NUP205: variants seen among roughly 807,000 people sequenced by gnomAD.
NUP205 encodes nuclear pore complex protein Nup205.
NUP205 carries 76 observed loss-of-function variants against 253.8 expected under a neutral mutation model. The observed-to-expected ratio is 0.30, with a 90% CI of 0.25 to 0.36. The LOEUF is 0.36. Ranked by LOEUF, NUP205 falls within the 10% of genes least tolerant of loss-of-function variation. The probability of loss-of-function intolerance (pLI) is 1.00; values close to 1 mark genes in which losing one functional copy is unlikely to be tolerated. For missense variants in NUP205, 2,162 were observed against 2,425.5 expected (o/e 0.89, Z 2.28); for synonymous variants, 832 against 850.1 (o/e 0.98, Z 0.37).
At chr7:135,615,819 G>T in intron 23 of NUP205, 97 bp from the exon 24 acceptor site, 1 of 679,030 alleles carries the variant, frequency 1.5e-6, no homozygotes, top group Admixed American at 3.4e-5. Flanking sequence ...TATTGACTTT[G>T]TTACATGGGA....
At chr7:135,637,620 G>A (rs1331841718) in intron 36 of NUP205, among the ~76,000 whole-genome samples, 1 of 151,984 alleles carries the variant, frequency 6.6e-6, no homozygotes, top group Non-Finnish European at 1.5e-5. Context: ...TTCATTTAAT[G>A]AGTATCTTCC....
At chr7:135,646,284 T>A in intron 42 of NUP205, 53 bp downstream of exon 42, 1 of 1,235,408 alleles carries the variant, frequency 8.1e-7, no homozygotes, top group South Asian at 1.2e-5. Flanking sequence ...GTAAAAGGGC[T>A]GGGTGTGATG....
At chr7:135,562,749 G>C (rs1805624805) in intron 1 of NUP205, among the ~76,000 whole-genome samples, 1 of 151,956 alleles carries the variant, frequency 6.6e-6, no homozygotes, top group South Asian at 2.1e-4. Context: ...GTTTCACCGT[G>C]TTGGCCAGGA....
intron 1 of NUP205, among the ~76,000 whole-genome samples, chr7:135,564,055 G>T (rs951526460): frequency 2.0e-5 from 3 of 151,786 alleles, no homozygotes; most frequent in Non-Finnish European, 4.4e-5. Flanking sequence ...ATAACTCTTT[G>T]TTGCGGCTAC....
At chr7:135,602,282 TC>T (rs1793982658) in intron 17 of NUP205, among the ~76,000 whole-genome samples, 1 of 152,242 alleles carries the variant, frequency 6.6e-6, no homozygotes, top group Admixed American at 6.5e-5. Context: ...GATCCTTGTT[TC>T]TATTTTCTGC....
Position 135,630,173 on chromosome 7 carries a change from T to C in NUP205, c.4933-171T>C, listed in dbSNP as rs535793696. Among the ~76,000 whole-genome samples the C allele has an allele frequency of 2.0e-5, 3 of 152,332 alleles. No individual in the cohort carries two copies. In the East Asian group the frequency reaches 5.8e-4, roughly 29 times the overall value. ...TATGTGAGTGCAGAAAACAATTGCT[T>C]ATCTGTTACTCATCCTCACTTATTG... is the stretch of plus-strand genomic sequence containing the variant. On this transcript the variant is annotated intron_variant, in intron 34 of 42. Transcript: ENST00000285968.
intron 36 of NUP205, among the ~76,000 whole-genome samples, chr7:135,637,553 G>C (rs1338638287): frequency 6.6e-6 from 1 of 152,120 alleles, no homozygotes; most frequent in Non-Finnish European, 1.5e-5. Context: ...TATCACAAAC[G>C]TGTCCATCTT....
At chr7:135,627,938 C>A (rs778499742) in intron 33 of NUP205, 35 bp from the exon 34 acceptor site, 1 of 1,609,680 alleles carries the variant, frequency 6.2e-7, no homozygotes, top group South Asian at 1.1e-5. Flanking sequence ...TACCTTAATT[C>A]TTGGAATGTT....
intron 38 of NUP205, among the ~76,000 whole-genome samples, 174 bp downstream of exon 38, chr7:135,638,857 A>C (rs1794866575): frequency 6.6e-6 from 1 of 152,194 alleles, no homozygotes; most frequent in African/African-American, 2.4e-5. Context: ...CCTATGTACA[A>C]GACTGGAGAG....
In NUP205 at chr7:135,585,018, T is replaced by C. The variant is rs755091320; in HGVS notation, c.1218+11T>C. ...CTTATGCCAATGAAGGTAAGTGTAA[T>C]AATGTAGGATGAGTAAATAGTAGAA... On this transcript the variant is annotated intron_variant, in intron 8 of 42. Coordinates refer to ENST00000285968, the MANE Select transcript of NUP205 (RefSeq NM_015135.3). 1.3e-6 allele frequency: 2 copies of C among 1,579,118 alleles called. No individual in the cohort carries two copies. The highest frequency in any genetic ancestry group is 1.7e-6 in the Non-Finnish European group (2 of 1,153,032).
chr7:135,643,221 C>A lies in NUP205; in HGVS notation c.5422C>A (p.Arg1808Ser). The A allele has an allele frequency of 1.9e-6, 3 of 1,613,990 alleles. No homozygotes were observed. Among genetic ancestry groups the A allele is most frequent in the Non-Finnish European group, 2.5e-6 (3 of 1,179,950 alleles). ...CCAAGCTCCAGTGGTTCCATACTGG[C>A]GCCTGCCTGGTTTAGGCATTATCAT... The part of the protein sequence containing the change: ...DTQAPVVPYW[R>S]LPGLGIIIYL... The change falls in exon 39 of 43, where the codon CGC becomes AGC. Residue 1808 changes from arginine to serine, a missense_variant. This residue lies in a region of NUP205 where 1,144 missense variants were observed against 1,280.9 expected (regional missense o/e 0.89). Transcript: ENST00000285968.
chr7:135,615,938 C>G lies in NUP205; in HGVS notation c.3333C>G (p.Asn1111Lys). 1.2e-6 allele frequency: 2 copies of G among 1,612,510 alleles called. No homozygotes were observed. The highest frequency in any genetic ancestry group is 8.5e-7 in the Non-Finnish European group (1 of 1,179,220). ...TAGAATATGAAATATCTATGCTGAA[C>G]CAGATGTCATGGCTTATGAAAACTG... ...SNKEYEISML[N>K]QMSWLMKTAS... The change falls in exon 24 of 43, where the codon AAC (asparagine) becomes AAG (lysine). Residue 1111 changes from asparagine to lysine, a missense_variant. Physicochemically the swap from Asn to Lys is moderately conservative, Grantham distance 94 (BLOSUM62 0). This residue lies in a region of NUP205 where 1,144 missense variants were observed against 1,280.9 expected (regional missense o/e 0.89). Coordinates refer to ENST00000285968, the MANE Select transcript of NUP205 (RefSeq NM_015135.3).
chr7:135,567,720 A>G (rs1805824716), intron 1 of NUP205, among the ~76,000 whole-genome samples: 2 of 152,162 alleles, frequency 1.3e-5, no homozygotes, highest in South Asian at 4.1e-4. Context: ...TATCCTGGTA[A>G]CTTTATTTGG....
chr7:135,643,041 A>G, intron 38 of NUP205, 151 bp from the exon 39 acceptor site: 1 of 628,772 alleles, frequency 1.6e-6, no homozygotes, highest in East Asian at 2.7e-5. Flanking sequence ...TTTAAATTAT[A>G]AATGGCATTT....
At chr7:135,563,386 G>A (rs6467597) in intron 1 of NUP205, among the ~76,000 whole-genome samples, 29,973 of 151,586 alleles carry the variant, frequency 0.2, 3,237 homozygotes, top group East Asian at 0.33. Flanking sequence ...ACGGGGTTTC[G>A]CTGTGTTGGC....
At chr7:135,636,776 TG>T (rs1794818650) in intron 36 of NUP205, among the ~76,000 whole-genome samples, 1 of 151,974 alleles carries the variant, frequency 6.6e-6, no homozygotes, top group South Asian at 2.1e-4. Context: ...GAGGCTGAGG[TG>T]GGTGGATCGC....
At chr7:135,589,061 T>G (rs1051830268) in intron 10 of NUP205, among the ~76,000 whole-genome samples, 1 of 150,600 alleles carries the variant, frequency 6.6e-6, no homozygotes, top group Non-Finnish European at 1.5e-5. Flanking sequence ...TAGTCCTAGC[T>G]GCTCAGGCTG....
chr7:135,628,634 C>T (rs1794643560), intron 34 of NUP205, among the ~76,000 whole-genome samples: 1 of 152,202 alleles, frequency 6.6e-6, no homozygotes, highest in Admixed American at 6.5e-5. Flanking sequence ...TTCAGTGAAA[C>T]ACTAACATTC....
intron 31 of NUP205, among the ~76,000 whole-genome samples, chr7:135,624,309 C>A (rs549214583): frequency 6.6e-6 from 1 of 152,228 alleles, no homozygotes; most frequent in South Asian, 2.1e-4. Flanking sequence ...TCAAGCAATT[C>A]TCCTGCCTCA....
Sources: allele counts gnomAD v4.1 joint callset (sites outside exome capture counted in the v4.1 genomes callset), GRCh38; gene constraint gnomAD v4.1.1; regional missense constraint gnomAD v4.1.1; transcripts MANE v1.5; gene names NCBI Gene and HGNC (gene_info 2026-07-23, HGNC 2026-07-21).